Variants in KHDRBS2 observed in about 807,000 individuals in gnomAD.
KHDRBS2 encodes the protein KH domain-containing, RNA-binding, signal transduction-associated protein 2.
In KHDRBS2, 26 loss-of-function variants were observed where a neutral mutation model predicts 44.3. The ratio of observed to expected loss-of-function variants is 0.59; its 90% CI spans 0.43 to 0.81. The LOEUF (loss-of-function observed/expected upper bound fraction) is 0.81, where lower values mean the gene tolerates loss of function less well. KHDRBS2 is among the 40% of genes least tolerant of loss of function. KHDRBS2 has a pLI of 0.00. For synonymous variants in KHDRBS2, 194 were observed against 151.1 expected, an observed-to-expected ratio of 1.28 and a Z score of -2.08; for missense variants, 476 against 433.1, an observed-to-expected ratio of 1.10 and a Z score of -0.88.
intron 1 of KHDRBS2, among the ~76,000 whole-genome samples, chr6:62,222,314 T>C (rs1831038800): frequency 6.6e-6 from 1 of 151,638 alleles, no homozygotes; most frequent in Admixed American, 6.6e-5. Flanking sequence ...GATAAAGACA[T>C]ACCCAAGACT....
At chr6:62,086,162 A>G (rs1169800381) in intron 2 of KHDRBS2, among the ~76,000 whole-genome samples, 1 of 152,176 alleles carries the variant, frequency 6.6e-6, no homozygotes, top group Non-Finnish European at 1.5e-5. Context: ...TGATAGATAT[A>G]TATAAGGGTA....
intron 6 of KHDRBS2, 66 bp downstream of exon 6, chr6:61,894,569 T>G: frequency 3.9e-5 from 51 of 1,300,346 alleles, no homozygotes; most frequent in Non-Finnish European, 5.2e-5. Context: ...ATGAACAGTT[T>G]GAGACGTAGC....
At chr6:61,762,002 A>C (rs1779338369) in intron 6 of KHDRBS2, among the ~76,000 whole-genome samples, 2 of 152,224 alleles carry the variant, frequency 1.3e-5, no homozygotes, top group Admixed American at 6.5e-5. Context: ...GGTAATAAGA[A>C]TGAAAATTCT....
At chr6:62,240,298 A>G (rs1554497792) in intron 1 of KHDRBS2, among the ~76,000 whole-genome samples, 1 of 152,080 alleles carries the variant, frequency 6.6e-6, no homozygotes, top group Non-Finnish European at 1.5e-5. Flanking sequence ...ATTTTGAGAA[A>G]TTCTTTACTT....
intron 6 of KHDRBS2, among the ~76,000 whole-genome samples, chr6:61,869,998 C>G (rs1798427742): frequency 1.1e-5 from 1 of 91,872 alleles, no homozygotes; most frequent in Non-Finnish European, 2.1e-5. Context: ...CCCCATACTA[C>G]AGTGGTGCCT....
At chr6:62,232,883 C>T (rs1833107718) in intron 1 of KHDRBS2, among the ~76,000 whole-genome samples, 1 of 152,130 alleles carries the variant, frequency 6.6e-6, no homozygotes, top group East Asian at 1.9e-4. Flanking sequence ...AAGTCACCAA[C>T]AAAGTACAAC....
At chr6:61,828,648 T>C (rs533835) in intron 6 of KHDRBS2, among the ~76,000 whole-genome samples, 87,292 of 152,068 alleles carry the variant, frequency 0.57, 25,239 homozygotes, top group South Asian at 0.68. Flanking sequence ...TGAGAGGTAA[T>C]TATTTCTGCA....
At chr6:61,998,974 A>G (rs1352901275) in intron 3 of KHDRBS2, among the ~76,000 whole-genome samples, 2 of 152,096 alleles carry the variant, frequency 1.3e-5, no homozygotes, top group African/African-American at 4.8e-5. Flanking sequence ...AGGCTTAGCT[A>G]TATTTCTAAA....
At chr6:62,092,120 T>G (rs1410150646) in intron 2 of KHDRBS2, among the ~76,000 whole-genome samples, 2 of 149,098 alleles carry the variant, frequency 1.3e-5, no homozygotes, top group African/African-American at 2.5e-5. Context: ...TGTCTCCAGT[T>G]TTTTTTTTTA....
chr6:61,958,957 G>A (rs1484695461), intron 4 of KHDRBS2, among the ~76,000 whole-genome samples: 1 of 152,148 alleles, frequency 6.6e-6, no homozygotes, highest in African/African-American at 2.4e-5. Context: ...GTCAGTGAGA[G>A]GGACAGACAA....
the KHDRBS2 span, among the ~76,000 whole-genome samples, chr6:61,605,804 TTAATA>T: frequency 6.6e-6 from 1 of 152,134 alleles, no homozygotes; most frequent in African/African-American, 2.4e-5. Flanking sequence ...ATTTTTCTTA[TTAATA>T]TAAGAAGACA....
chr6:61,657,142 C>A, the KHDRBS2 span, among the ~76,000 whole-genome samples: 2 of 152,058 alleles, frequency 1.3e-5, no homozygotes, highest in East Asian at 2.0e-4. Context: ...CTGGATCTTA[C>A]CTGTCCCTTT....
chr6:61,629,455 G>C, the KHDRBS2 span, among the ~76,000 whole-genome samples: 2 of 152,242 alleles, frequency 1.3e-5, no homozygotes, highest in Non-Finnish European at 2.9e-5. Context: ...TTCTGGTAAA[G>C]AGAAAATAAG....
At chr6:61,860,782 A>C (rs1796834021) in intron 6 of KHDRBS2, among the ~76,000 whole-genome samples, 1 of 152,030 alleles carries the variant, frequency 6.6e-6, no homozygotes, top group Admixed American at 6.6e-5. Flanking sequence ...TAAGTCTTGG[A>C]GTAATTGCCA....
At chr6:61,630,301 C>A in the KHDRBS2 span, 46 of 152,258 alleles carry the variant, frequency 3.0e-4, no homozygotes, top group African/African-American at 1.0e-3. Flanking sequence ...TGAAGACTAT[C>A]TTTGAATCAA....
chr6:61,769,841 G>C (rs1419749150), intron 6 of KHDRBS2, among the ~76,000 whole-genome samples: 2 of 152,160 alleles, frequency 1.3e-5, no homozygotes, highest in Non-Finnish European at 2.9e-5. Context: ...GAGAGTAGTG[G>C]TTCTCCCAGC....
chr6:62,062,276 A>G (rs1031056303), intron 2 of KHDRBS2, among the ~76,000 whole-genome samples: 61 of 148,534 alleles, frequency 4.1e-4, no homozygotes, highest in African/African-American at 1.3e-3. Flanking sequence ...CACCAAGCAG[A>G]CCTAATAGAC....
intron 2 of KHDRBS2, among the ~76,000 whole-genome samples, chr6:62,146,123 A>C (rs369151453): frequency 5.5e-4 from 84 of 151,966 alleles, no homozygotes; most frequent in African/African-American, 2.0e-3. Flanking sequence ...CAGAGATTTC[A>C]TTTACATACA....
intron 6 of KHDRBS2, among the ~76,000 whole-genome samples, chr6:61,802,009 G>T (rs1786355631): frequency 6.6e-6 from 1 of 152,258 alleles, no homozygotes. Flanking sequence ...AAGGATCAAT[G>T]CATTATTGGT....
Sources: allele counts gnomAD v4.1 joint callset (sites outside exome capture counted in the v4.1 genomes callset), GRCh38; gene constraint gnomAD v4.1.1; transcripts MANE v1.5; gene names NCBI Gene and HGNC (gene_info 2026-07-23, HGNC 2026-07-21).